Variants in SCN11A observed in about 807,000 individuals in gnomAD.
SCN11A encodes sodium channel protein type 11 subunit alpha.
SCN11A carries 122 observed loss-of-function variants against 162.2 expected under a neutral mutation model. That is an observed-to-expected ratio of 0.75 (90% CI 0.65 to 0.87). The LOEUF is 0.87. SCN11A is among the 40% of genes least tolerant of loss of function. The pLI is 0.00. For synonymous variants in SCN11A, 758 were observed against 751.5 expected, an observed-to-expected ratio of 1.01 and a Z score of -0.14; for missense variants, 2,015 against 2,181.6, an observed-to-expected ratio of 0.92 and a Z score of 1.52.
At chr3:38,914,422 T>A (rs1370572151) in intron 11 of SCN11A, among the ~76,000 whole-genome samples, 1 of 152,210 alleles carries the variant, frequency 6.6e-6, no homozygotes, top group East Asian at 1.9e-4. Flanking sequence ...TATAGATTCA[T>A]GTTATCTGCA....
At chr3:38,980,464 G>A (rs921050334) in intron 2 of SCN11A, among the ~76,000 whole-genome samples, 4 of 152,292 alleles carry the variant, frequency 2.6e-5, no homozygotes, top group East Asian at 1.9e-4. Flanking sequence ...CAGTGATGTC[G>A]GTCATGGAGC....
chr3:38,891,092 TAGAAAAAGAA>T (rs1160920910), intron 19 of SCN11A, among the ~76,000 whole-genome samples: 395 of 152,054 alleles, frequency 2.6e-3, no homozygotes, highest in Non-Finnish European at 3.1e-3. Flanking sequence ...TCAGAGCTAA[TAGAAAAAGAA>T]TGCAAAGAAG....
intron 2 of SCN11A, among the ~76,000 whole-genome samples, chr3:38,970,834 G>A (rs1478271139): frequency 1.3e-5 from 2 of 152,202 alleles, no homozygotes; most frequent in African/African-American, 2.4e-5. Flanking sequence ...TGCCCCCAGA[G>A]CTTTGGGACT....
In SCN11A at chr3:38,937,836, C is replaced by T. The variant is rs575295184; in HGVS notation, c.488+7575G>A. ...AGTCAGTGTGGCGATTCCTCGGGGA[C>T]CTAGAACTAGAAATACCATTTGACC... On this transcript the variant is annotated intron_variant, in intron 7 of 29. Coordinates refer to ENST00000302328, the MANE Select transcript of SCN11A (RefSeq NM_001349253.2). 1.3e-3 allele frequency among the ~76,000 whole-genome samples: 201 copies of T among 152,254 alleles called. 2 individuals carry two copies. Among genetic ancestry groups the T allele is most frequent in the Middle Eastern group, 6.8e-3 (2 of 294 alleles).
chr3:38,860,065 A>C (rs2064938226), intron 28 of SCN11A, among the ~76,000 whole-genome samples: 1 of 151,992 alleles, frequency 6.6e-6, no homozygotes, highest in African/African-American at 2.4e-5. Context: ...CAGTTCTGCC[A>C]TTCCACCCAG....
chr3:38,856,040 T>C (rs1174572818), intron 28 of SCN11A, among the ~76,000 whole-genome samples: 1 of 152,180 alleles, frequency 6.6e-6, no homozygotes. Context: ...GGGATCACCC[T>C]GTGGGACAAA....
intron 2 of SCN11A, among the ~76,000 whole-genome samples, chr3:38,984,952 GA>G (rs970063419): frequency 7.0e-6 from 1 of 142,052 alleles, no homozygotes; most frequent in Non-Finnish European, 1.5e-5. Flanking sequence ...AGAGTTGAGT[GA>G]ATGAGCAAGC....
In SCN11A at chr3:38,904,032, A is replaced by T; in HGVS notation, c.1675T>A (p.Cys559Ser). 6.2e-7 allele frequency: 1 copy of T among 1,609,158 alleles called. No individual in the cohort carries two copies. ...NLASKYLVWN[C>S]CPQWLCVKKV... The stretch of plus-strand genomic sequence containing the variant: ...TTAACGCACAGCCACTGGGGGCAAC[A>T]GTTCCACACGAGGTACTTGGATGCC... Residue 559 changes from cysteine to serine, a missense_variant, in exon 16 of 30, where the codon TGT (cysteine) becomes AGT (serine). By Grantham distance (112) the Cys-to-Ser change is moderately radical. Coordinates refer to ENST00000302328, the MANE Select transcript of SCN11A (RefSeq NM_001349253.2).
intron 2 of SCN11A, among the ~76,000 whole-genome samples, chr3:38,966,413 T>C (rs1162335030): frequency 6.6e-6 from 1 of 152,178 alleles, no homozygotes; most frequent in Non-Finnish European, 1.5e-5. Flanking sequence ...GGTAGGAGTA[T>C]TTTACAAAAA....
intron 2 of SCN11A, among the ~76,000 whole-genome samples, chr3:38,963,916 C>G (rs2066764166): frequency 2.0e-5 from 3 of 152,132 alleles, no homozygotes. Context: ...ACAATTAAGT[C>G]ACATTTAAGT....
chr3:38,956,617 G>A (rs1364549478), intron 3 of SCN11A, among the ~76,000 whole-genome samples: 2 of 151,888 alleles, frequency 1.3e-5, no homozygotes, highest in Non-Finnish European at 2.9e-5. Context: ...CTTTATTATG[G>A]GTCCAAATAT....
In SCN11A at chr3:38,847,480, G is replaced by T; in HGVS notation, c.4590C>A (p.Asp1530Glu). The change falls in exon 30 of 30, where the codon GAC (aspartate) becomes GAA (glutamate). Residue 1530 changes from aspartate (D) to glutamate (E), a missense_variant. Physicochemically the swap from Asp to Glu is conservative, Grantham distance 45. Transcript: ENST00000302328. ...SKVNPESGID[D>E]IFNFKTFASS... is the part of the protein sequence containing the mutation. Reference sequence around the variant, plus strand: ...TGGCAAAAGTCTTGAAGTTGAATATGTCATCGATTCCAGACTCTGGATTCA... The same window carrying T: ...TGGCAAAAGTCTTGAAGTTGAATATTTCATCGATTCCAGACTCTGGATTCA... 6.2e-7 allele frequency: 1 copy of T among 1,614,184 alleles called. No homozygotes were observed. Among genetic ancestry groups the T allele is most frequent in the Non-Finnish European group, 8.5e-7 (1 of 1,180,020 alleles).
In SCN11A at chr3:38,875,502, C is replaced by A. The variant is rs146565619; in HGVS notation, c.3394-3208G>T. On this transcript the variant is annotated intron_variant, in intron 23 of 29. Coordinates refer to ENST00000302328, the MANE Select transcript of SCN11A (RefSeq NM_001349253.2). ...TCCTAGAACTGGCAAATGAATTCAG[C>A]AAAGTTTCAGGATACAAAATCAATG... 3.6e-4 allele frequency among the ~76,000 whole-genome samples: 55 copies of A among 152,144 alleles called. No homozygotes were observed. In the East Asian group the frequency reaches 0.01, roughly 28 times the overall value.
chr3:38,974,978 A>C (rs2066840276), intron 2 of SCN11A, among the ~76,000 whole-genome samples: 1 of 151,326 alleles, frequency 6.6e-6, no homozygotes, highest in African/African-American at 2.4e-5. Flanking sequence ...TAGAGAAAAT[A>C]AAGATCGTGT....
intron 28 of SCN11A, among the ~76,000 whole-genome samples, chr3:38,852,596 T>G (rs1242558905): frequency 6.6e-6 from 1 of 152,252 alleles, no homozygotes; most frequent in Non-Finnish European, 1.5e-5. Context: ...CCTGTGAAGA[T>G]GCTTCAGGAG....
At chr3:38,935,889 T>C (rs1334625596) in intron 7 of SCN11A, among the ~76,000 whole-genome samples, 4 of 152,198 alleles carry the variant, frequency 2.6e-5, no homozygotes, top group Non-Finnish European at 2.9e-5. Flanking sequence ...AGCATCCTGA[T>C]ACCAAAGCCA....
chr3:38,998,280 T>G (rs2030704265), intron 2 of SCN11A, among the ~76,000 whole-genome samples: 1 of 152,188 alleles, frequency 6.6e-6, no homozygotes. Context: ...AGCATTTCTG[T>G]GATTTAAGTT....
intron 3 of SCN11A, among the ~76,000 whole-genome samples, chr3:38,955,081 G>T (rs934071352): frequency 4.6e-5 from 7 of 152,114 alleles, no homozygotes; most frequent in Admixed American, 6.5e-5. Context: ...TTGATACCAG[G>T]GGTTTGAGAC....
At chr3:38,885,532 G>T (rs533763294) in intron 20 of SCN11A, 130 bp from the exon 21 acceptor site, 3 of 615,024 alleles carry the variant, frequency 4.9e-6, no homozygotes, top group South Asian at 4.2e-5. Flanking sequence ...AGGATGAGAG[G>T]TGTCAAGAAA....
Sources: gnomAD v4.1 joint callset for allele counts (sites outside exome capture counted in the v4.1 genomes callset) on GRCh38, gnomAD v4.1.1 for gene constraint, MANE v1.5 for transcripts, NCBI Gene and HGNC (gene_info 2026-07-23, HGNC 2026-07-21) for gene names.